The following TTC13 variants were observed in gnomAD, a reference collection of about 807,000 sequenced individuals.
TTC13 encodes tetratricopeptide repeat protein 13.
Under a neutral mutation model 120.0 loss-of-function variants are expected in TTC13, and 62 were observed. That is an observed-to-expected ratio of 0.52 (90% CI 0.42 to 0.64). TTC13 has a LOEUF of 0.64. Among genes scored for constraint, TTC13 ranks in the 30% least tolerant of loss-of-function variants. TTC13 has a pLI of 0.00. For synonymous variants in TTC13, 384 were observed against 393.5 expected (o/e 0.98, Z 0.28); for missense variants, 824 against 1,050.2 (o/e 0.78, Z 2.98).
chr1:230,934,155 T>C (rs1160551333), intron 8 of TTC13, among the ~76,000 whole-genome samples: 1 of 152,162 alleles, frequency 6.6e-6, no homozygotes, highest in African/African-American at 2.4e-5. Context: ...AAACTTTGAA[T>C]ACTAATCATT....
chr1:230,963,745 G>A (rs975719828), intron 1 of TTC13, among the ~76,000 whole-genome samples: 2 of 152,102 alleles, frequency 1.3e-5, no homozygotes, highest in African/African-American at 2.4e-5. Context: ...GACGATGAGT[G>A]GTACACGCAA....
At chr1:230,930,321 TA>T in intron 11 of TTC13, among the ~76,000 whole-genome samples, 1 of 152,230 alleles carries the variant, frequency 6.6e-6, no homozygotes, top group East Asian at 1.9e-4. Context: ...TTATTAAAAT[TA>T]ATTCCACTTC....
At chr1:230,919,814 C>T (rs1340097717) in intron 17 of TTC13, among the ~76,000 whole-genome samples, 1 of 152,180 alleles carries the variant, frequency 6.6e-6, no homozygotes, top group Non-Finnish European at 1.5e-5. Context: ...AAGGCCGAAA[C>T]TCCAATGTCT....
In TTC13 at chr1:230,961,200, G is replaced by C; in HGVS notation, c.366+9C>G. On this transcript the variant is annotated intron_variant, in intron 2 of 22. Transcript: ENST00000366661. ...TTACAAAAACAGAACACAGAGAGAA[G>C]ATGCATACCAGAATCTTCTCAGTGT... The C allele has an allele frequency of 6.2e-7, 1 of 1,607,578 alleles. No homozygotes were observed. The highest frequency in any genetic ancestry group is 2.2e-5 in the East Asian group (1 of 44,844).
At chr1:230,955,507 C>CA (rs55902639) in intron 3 of TTC13, among the ~76,000 whole-genome samples, 53,138 of 136,884 alleles carry the variant, frequency 0.39, 10,191 homozygotes, top group Middle Eastern at 0.56. Context: ...ACTAAATATA[C>CA]AAAAAAAAAA....
intron 1 of TTC13, among the ~76,000 whole-genome samples, chr1:230,965,114 A>T (rs888724481): frequency 9.2e-5 from 14 of 152,198 alleles, no homozygotes; most frequent in Non-Finnish European, 2.9e-5. Context: ...ACCAAAGCAA[A>T]CAAGGACAAA....
At chr1:230,976,451 A>G (rs12733740) in intron 1 of TTC13, among the ~76,000 whole-genome samples, 40,828 of 151,908 alleles carry the variant, frequency 0.27, 5,747 homozygotes, top group African/African-American at 0.31. Flanking sequence ...TAGCCCCTAC[A>G]ACAACAGAGT....
chr1:230,933,889 C>A (rs781342988), intron 8 of TTC13, 28 bp from the exon 9 acceptor site: 2 of 1,405,350 alleles, frequency 1.4e-6, no homozygotes, highest in South Asian at 2.4e-5. Flanking sequence ...AAAATTATTT[C>A]ATTTGCATAA....
At chr1:230,953,787 T>C (rs897779639) in intron 4 of TTC13, among the ~76,000 whole-genome samples, 1 of 152,224 alleles carries the variant, frequency 6.6e-6, no homozygotes, top group Non-Finnish European at 1.5e-5. Flanking sequence ...ATGCAGTGCT[T>C]AAATGCTTTA....
At chr1:230,935,089 G>C (rs535150198) in intron 8 of TTC13, among the ~76,000 whole-genome samples, 2 of 152,358 alleles carry the variant, frequency 1.3e-5, no homozygotes, top group Admixed American at 6.5e-5. Flanking sequence ...CGGTTGGGTA[G>C]AGAGATGAGA....
rs1449378901 is a variant in TTC13 at position 230,944,437 on chromosome 1, T to C, written c.580-539A>G. Among the ~76,000 whole-genome samples, 2 of 152,210 alleles carry C rather than the reference T, an allele frequency of 1.3e-5. No homozygotes were observed. Among genetic ancestry groups the C allele is most frequent in the African/African-American group, 4.8e-5 (2 of 41,456 alleles). ...TCTCAAGATATATAATTTTAAAAGATGAGAATTAGGAAGAGGCAGCTCTGA... is the reference window on the plus strand; with the variant it reads ...TCTCAAGATATATAATTTTAAAAGACGAGAATTAGGAAGAGGCAGCTCTGA... On this transcript the variant is annotated intron_variant, in intron 5 of 22. Transcript: ENST00000366661. This position sits in a 1 kb window ranked among gnomAD's most constrained non-coding sequence, Gnocchi z 4.0.
chr1:230,943,446 CTG>C (rs1674700180), intron 6 of TTC13, among the ~76,000 whole-genome samples: 1 of 151,578 alleles, frequency 6.6e-6, no homozygotes, highest in African/African-American at 2.4e-5. Flanking sequence ...ATGGATGAAA[CTG>C]TGTTTCTTTT....
chr1:230,971,341 A>G (rs1572304144), intron 1 of TTC13, among the ~76,000 whole-genome samples: 1 of 85,230 alleles, frequency 1.2e-5, no homozygotes, highest in Admixed American at 1.3e-4. Flanking sequence ...GCAAGACTCC[A>G]TCTCAAAAAA....
In TTC13 at chr1:230,923,883, C is replaced by A; in HGVS notation, c.1772G>T (p.Arg591Leu). ...GTTGTTAAAACCTCTGCTAAGACTT[C>A]GTGCTGGCATTTGATCTAACCACAG... ...PVLWLDQMPA[R>L]SLSRGFNNHI... Residue 591 changes from arginine to leucine, a missense_variant, in exon 15 of 23, where the codon CGA becomes CTA. By Grantham distance (102) the Arg-to-Leu change is moderately radical. Coordinates refer to ENST00000366661, the MANE Select transcript of TTC13 (RefSeq NM_024525.5). 1.2e-6 allele frequency: 2 copies of A among 1,614,014 alleles called. No homozygotes were observed. Among genetic ancestry groups the A allele is most frequent in the East Asian group, 2.2e-5 (1 of 44,874 alleles).
intron 15 of TTC13, 46 bp from the exon 16 acceptor site, chr1:230,921,550 T>G: frequency 1.0e-6 from 1 of 983,420 alleles, no homozygotes; most frequent in Non-Finnish European, 1.5e-6. Context: ...TATAGAAGAA[T>G]ATGCTCAAGC....
intron 20 of TTC13, among the ~76,000 whole-genome samples, chr1:230,909,225 C>T (rs1381574840): frequency 1.3e-5 from 2 of 152,176 alleles, no homozygotes; most frequent in Non-Finnish European, 1.5e-5. Context: ...ATTTACTGGC[C>T]AGGTGAGGTG....
intron 13 of TTC13, among the ~76,000 whole-genome samples, 170 bp downstream of exon 13, chr1:230,925,347 C>T (rs1672960570): frequency 6.6e-6 from 1 of 152,206 alleles, no homozygotes; most frequent in African/African-American, 2.4e-5. Context: ...AGGATGGAAG[C>T]AGTCTTCTTT....
intron 20 of TTC13, 131 bp downstream of exon 20, chr1:230,911,338 AT>A (rs1671479219): frequency 3.5e-6 from 2 of 569,042 alleles, no homozygotes; most frequent in Non-Finnish European, 5.9e-6. Context: ...TTTTGTGCAG[AT>A]TTTGGAAAAA....
At chr1:230,920,074 A>G (rs960552369) in intron 17 of TTC13, among the ~76,000 whole-genome samples, 1 of 152,192 alleles carries the variant, frequency 6.6e-6, no homozygotes, top group Non-Finnish European at 1.5e-5. Context: ...TAGCTTAGCA[A>G]GACCACTGTA....
Sources: allele counts gnomAD v4.1 joint callset (sites outside exome capture counted in the v4.1 genomes callset), GRCh38; gene constraint gnomAD v4.1.1; non-coding constraint Gnocchi (gnomAD v3.1); transcripts MANE v1.5; gene names NCBI Gene and HGNC (gene_info 2026-07-23, HGNC 2026-07-21).